Variants in PPP3CC observed in about 807,000 individuals in gnomAD.
PPP3CC encodes protein phosphatase 3 catalytic subunit gamma.
PPP3CC carries 35 observed loss-of-function variants against 60.3 expected under a neutral mutation model. That is an observed-to-expected ratio of 0.58 (90% CI 0.44 to 0.77). PPP3CC has a LOEUF of 0.77. Among genes scored for constraint, PPP3CC ranks in the 30% least tolerant of loss-of-function variants. The pLI, the probability that PPP3CC is intolerant of heterozygous loss-of-function variation, is 0.00. For missense variants in PPP3CC, 570 were observed against 628.9 expected, an observed-to-expected ratio of 0.91 and a Z score of 1.00; for synonymous variants, 206 against 224.3, an observed-to-expected ratio of 0.92 and a Z score of 0.73.
intron 12 of PPP3CC, among the ~76,000 whole-genome samples, chr8:22,534,043 A>G (rs1224114444): frequency 6.6e-6 from 1 of 151,810 alleles, no homozygotes; most frequent in African/African-American, 2.4e-5. Context: ...TACTAAAAAT[A>G]CAAAAATTAG....
At chr8:22,520,966 A>G (rs1000373587) in intron 6 of PPP3CC, among the ~76,000 whole-genome samples, 9 of 152,192 alleles carry the variant, frequency 5.9e-5, no homozygotes, top group East Asian at 1.9e-4. Flanking sequence ...ACCTTCTCCT[A>G]TTGAGTCCCT....
rs541658106 is a variant in PPP3CC at position 22,441,402 on chromosome 8, A to T, written c.-8A>T. Reference sequence around the variant, plus strand: ...GGCTCCTGGAGCCTGGAGGAGGCCGAGGGGACCATGTCCGGGAGGCGCTTC... The same window carrying T: ...GGCTCCTGGAGCCTGGAGGAGGCCGTGGGGACCATGTCCGGGAGGCGCTTC... On this transcript the variant is annotated 5_prime_UTR_variant, in exon 1 of 14. Transcript: ENST00000240139. 1.9e-5 allele frequency: 29 copies of T among 1,540,398 alleles called. 1 individual carries two copies. The South Asian group carries it at 2.9e-4, about 15-fold the overall frequency.
intron 6 of PPP3CC, among the ~76,000 whole-genome samples, chr8:22,522,128 TACACACACACGCAC>T (rs958986620): frequency 8.4e-6 from 1 of 119,232 alleles, no homozygotes; most frequent in African/African-American, 3.6e-5. Flanking sequence ...TAGCATCTAC[TACACACACACGCAC>T]ACACACACAC....
intron 1 of PPP3CC, among the ~76,000 whole-genome samples, chr8:22,468,196 C>T (rs186232980): frequency 9.2e-5 from 14 of 152,190 alleles, no homozygotes; most frequent in Admixed American, 6.5e-4. Context: ...CTCTGCCTCC[C>T]GGGTTCAAGT....
At chr8:22,462,681 C>T (rs1402611306) in intron 1 of PPP3CC, among the ~76,000 whole-genome samples, 1 of 152,098 alleles carries the variant, frequency 6.6e-6, no homozygotes, top group East Asian at 1.9e-4. Flanking sequence ...CACCATTCTC[C>T]TGCCTCAGCC....
intron 1 of PPP3CC, among the ~76,000 whole-genome samples, chr8:22,449,346 G>A (rs892921426): frequency 1.3e-5 from 2 of 151,384 alleles, no homozygotes; most frequent in African/African-American, 4.9e-5. Context: ...CTACTTGGGA[G>A]GCTGAGGTGG....
intron 1 of PPP3CC, among the ~76,000 whole-genome samples, chr8:22,447,151 A>G (rs1478959136): frequency 2.0e-5 from 3 of 147,134 alleles, no homozygotes; most frequent in Non-Finnish European, 4.5e-5. Flanking sequence ...CCACAGGCAT[A>G]GCATACGCCA....
chr8:22,485,170 G>T (rs1196363753), intron 3 of PPP3CC, among the ~76,000 whole-genome samples: 1 of 152,128 alleles, frequency 6.6e-6, no homozygotes, highest in African/African-American at 2.4e-5. Context: ...CCATTTTATT[G>T]TGGGTGCTCT....
chr8:22,512,560 T>A (rs1839118242), intron 5 of PPP3CC, among the ~76,000 whole-genome samples: 1 of 152,242 alleles, frequency 6.6e-6, no homozygotes, highest in Non-Finnish European at 1.5e-5. Flanking sequence ...TCCACTGGAA[T>A]GAGGTTTGCA....
At chr8:22,500,322 AT>A (rs1254567220) in intron 4 of PPP3CC, among the ~76,000 whole-genome samples, 1 of 152,154 alleles carries the variant, frequency 6.6e-6, no homozygotes, top group Non-Finnish European at 1.5e-5. Context: ...TGGCTCTAAA[AT>A]CTACCCCTTT....
intron 3 of PPP3CC, among the ~76,000 whole-genome samples, chr8:22,481,934 C>A (rs1838082604): frequency 6.6e-6 from 1 of 152,108 alleles, no homozygotes. Flanking sequence ...CAGTCTATCA[C>A]TGATGGACAT....
At chr8:22,527,553 T>C (rs1212477578) in intron 9 of PPP3CC, 36 bp downstream of exon 9, 2 of 1,605,878 alleles carry the variant, frequency 1.2e-6, no homozygotes, top group Non-Finnish European at 1.7e-6. Flanking sequence ...ATCAGTTGTT[T>C]GGTGACTGAG....
chr8:22,473,690 C>T (rs1016889942), intron 1 of PPP3CC, among the ~76,000 whole-genome samples: 2 of 151,890 alleles, frequency 1.3e-5, no homozygotes, highest in Non-Finnish European at 2.9e-5. Flanking sequence ...TTTTGAACTC[C>T]CGACCTCAGG....
At position 22,513,320 on chromosome 8, in the gene PPP3CC, T is replaced by C; in HGVS notation, c.658T>C (p.Phe220Leu). Reference sequence around the variant, plus strand: ...AGACAGGTTTACGGAACCTCCCGCCTTTGGACCTGTGTGTGACCTGCTTTG... The same window carrying C: ...AGACAGGTTTACGGAACCTCCCGCCCTTGGACCTGTGTGTGACCTGCTTTG... The part of the protein sequence containing the change: ...KLDRFTEPPA[F>L]GPVCDLLWSD... Residue 220 changes from phenylalanine (F) to leucine (L), a missense_variant, in exon 6 of 14, where the codon TTT becomes CTT. Transcript: ENST00000240139. 1.9e-6 allele frequency: 3 copies of C among 1,613,380 alleles called. No homozygotes were observed. Among genetic ancestry groups the C allele is most frequent in the Non-Finnish European group, 1.7e-6 (2 of 1,179,726 alleles).
At chr8:22,516,345 AT>A (rs1241803434) in intron 6 of PPP3CC, among the ~76,000 whole-genome samples, 1 of 152,198 alleles carries the variant, frequency 6.6e-6, no homozygotes, top group African/African-American at 2.4e-5. Flanking sequence ...CATAATACAT[AT>A]TCATTGTTGT....
At chr8:22,527,965 G>T (rs114659855) in intron 9 of PPP3CC, among the ~76,000 whole-genome samples, 1,703 of 152,160 alleles carry the variant, frequency 0.011, 28 homozygotes, top group African/African-American at 0.037. Context: ...GCATGTAATT[G>T]GTTCTTAAAT....
chr8:22,487,606 C>T (rs1838262880), intron 3 of PPP3CC, among the ~76,000 whole-genome samples: 1 of 151,798 alleles, frequency 6.6e-6, no homozygotes, highest in Admixed American at 6.6e-5. Flanking sequence ...GCCTAGGTGA[C>T]TGAGTGAGAC....
intron 6 of PPP3CC, among the ~76,000 whole-genome samples, chr8:22,521,563 A>G (rs1415804028): frequency 1.3e-5 from 2 of 152,192 alleles, no homozygotes; most frequent in East Asian, 1.9e-4. Flanking sequence ...ACTTATGGCC[A>G]TGGATGGCTT....
At position 22,441,571 on chromosome 8, in the gene PPP3CC, C is replaced by T. The variant is rs996878304; in HGVS notation, c.49+113C>T. On this transcript the variant is annotated intron_variant, in intron 1 of 13. Transcript: ENST00000240139. ...GGGCTGCGCCCACCCTAGGAGGGCT[C>T]GGAGGGGTGTAGACAGAGCCGGGCG... 3.4e-5 allele frequency: 42 copies of T among 1,227,502 alleles called. No homozygotes were observed. The African/African-American group carries it at 5.9e-4, about 17-fold the overall frequency. The allele number at this position is 1,227,502 out of a possible 1,614,324, so 76.0% of individuals were successfully genotyped here.
Sources: allele counts gnomAD v4.1 joint callset (sites outside exome capture counted in the v4.1 genomes callset), GRCh38; gene constraint gnomAD v4.1.1; transcripts MANE v1.5; gene names NCBI Gene and HGNC (gene_info 2026-07-23, HGNC 2026-07-21).